The following ANKRD33B variants were observed in gnomAD, a reference collection of about 807,000 sequenced individuals.
ANKRD33B encodes ankyrin repeat domain-containing protein 33B.
ANKRD33B carries 6 observed loss-of-function variants against 21.5 expected under a neutral mutation model. The ratio of observed to expected loss-of-function variants is 0.28; its 90% CI spans 0.15 to 0.55. The LOEUF is 0.55. ANKRD33B is among the 20% of genes least tolerant of loss of function. The pLI is 0.94. For missense variants in ANKRD33B, 698 were observed against 747.2 expected, an observed-to-expected ratio of 0.93 and a Z score of 0.77; for synonymous variants, 347 against 342.4, an observed-to-expected ratio of 1.01 and a Z score of -0.15.
chr5:10,599,482 C>A (rs1248911371), intron 1 of ANKRD33B, among the ~76,000 whole-genome samples: 2 of 152,168 alleles, frequency 1.3e-5, no homozygotes, highest in Non-Finnish European at 2.9e-5. Context: ...AGTCCCTCTT[C>A]CTCCTCCTAC....
At chr5:10,617,327 C>T (rs781243402) in intron 1 of ANKRD33B, among the ~76,000 whole-genome samples, 3 of 152,204 alleles carry the variant, frequency 2.0e-5, no homozygotes, top group Non-Finnish European at 4.4e-5. Context: ...CTGAAGTCTG[C>T]GTGCCATCTG....
rs556827518 is a variant in ANKRD33B at position 10,656,704 on chromosome 5, G to T, written c.*6591G>T. The T allele has an allele frequency of 6.6e-6, 1 of 152,438 alleles. No individual in the cohort carries two copies. The highest frequency in any genetic ancestry group is 2.1e-4 in the South Asian group (1 of 4,824). The allele number at this position is 152,438 out of a possible 1,614,324, so 9.4% of individuals were successfully genotyped here. ...TATAGAACCCATTTGGCCAGGTCTGGGCCATCTCTCTGCCTCTGCCCTATC... is the reference window on the plus strand; with the variant it reads ...TATAGAACCCATTTGGCCAGGTCTGTGCCATCTCTCTGCCTCTGCCCTATC... On this transcript the variant is annotated 3_prime_UTR_variant, in exon 4 of 4. Transcript: ENST00000296657.
chr5:10,626,763 A>T (rs1736559761), intron 2 of ANKRD33B, among the ~76,000 whole-genome samples: 1 of 152,212 alleles, frequency 6.6e-6, no homozygotes, highest in Non-Finnish European at 1.5e-5. Context: ...CCTTTATAAG[A>T]CAGGAAAACA....
In ANKRD33B at chr5:10,653,622, T is replaced by G. The variant is rs1180944582; in HGVS notation, c.*3509T>G. On this transcript the variant is annotated 3_prime_UTR_variant, in exon 4 of 4. Coordinates refer to ENST00000296657, the MANE Select transcript of ANKRD33B (RefSeq NM_001164440.2). ...GGACAGAAACACCCCCTCGTCTTCC[T>G]GAGCCATTTGGAAGCCCTTTCCTCT... 6.6e-6 allele frequency: 1 copy of G among 152,424 alleles called. No homozygotes were observed. The highest frequency in any genetic ancestry group is 1.9e-4 in the East Asian group (1 of 5,338). 9.4% of individuals were successfully genotyped at this position (152,424 alleles called of 1,614,324 possible). A position where few individuals can be genotyped will look rare whatever the true frequency, so the allele number is the denominator to read the frequency against.
rs190084162 is a variant in ANKRD33B at position 10,640,753 on chromosome 5, A to G, written c.637+2585A>G. Among the ~76,000 whole-genome samples the G allele has an allele frequency of 3.9e-4, 59 of 152,370 alleles. No individual in the cohort carries two copies. In the East Asian group the frequency reaches 0.011, roughly 27 times the overall value. On this transcript the variant is annotated intron_variant, in intron 3 of 3. Transcript: ENST00000296657. Reference sequence around the variant, plus strand: ...TCTCTGTCTTAGTTGTTCTGCTGCTATAACAAAATACCTCACCTGTGTAAT... The same window carrying G: ...TCTCTGTCTTAGTTGTTCTGCTGCTGTAACAAAATACCTCACCTGTGTAAT...
At chr5:10,630,758 A>G (rs1736690293) in intron 2 of ANKRD33B, among the ~76,000 whole-genome samples, 2 of 152,132 alleles carry the variant, frequency 1.3e-5, no homozygotes, top group African/African-American at 2.4e-5. Context: ...CTAGAATCCC[A>G]GCACTTTGGG....
At chr5:10,638,877 A>C (rs1560984562) in intron 3 of ANKRD33B, among the ~76,000 whole-genome samples, 1 of 151,076 alleles carries the variant, frequency 6.6e-6, no homozygotes, top group Non-Finnish European at 1.5e-5. Flanking sequence ...TTGCATGGTA[A>C]TGTTAGCGGG....
In ANKRD33B at chr5:10,656,036, A is replaced by G. The variant is rs1310755020; in HGVS notation, c.*5923A>G. 1 of 152,040 alleles carries G rather than the reference A, an allele frequency of 6.6e-6. No homozygotes were observed. The highest frequency in any genetic ancestry group is 1.5e-5 in the Non-Finnish European group (1 of 67,996). 9.4% of individuals were successfully genotyped at this position (152,040 alleles called of 1,614,324 possible). A position where few individuals can be genotyped will look rare whatever the true frequency, so the allele number is the denominator to read the frequency against. On this transcript the variant is annotated 3_prime_UTR_variant, in exon 4 of 4. Transcript: ENST00000296657. ...ATGCTGGGAGCTGCCGAGAGCTTACAACAAAAGCAGTTCCTCTCAAGACAC... is the reference window on the plus strand; with the variant it reads ...ATGCTGGGAGCTGCCGAGAGCTTACGACAAAAGCAGTTCCTCTCAAGACAC...
chr5:10,569,949 T>G (rs1212688797), intron 1 of ANKRD33B, among the ~76,000 whole-genome samples: 1 of 152,228 alleles, frequency 6.6e-6, no homozygotes, highest in Non-Finnish European at 1.5e-5. Flanking sequence ...TGATATCAGC[T>G]CACTGCAACC....
intron 3 of ANKRD33B, 138 bp downstream of exon 3, chr5:10,638,306 C>T: frequency 8.6e-7 from 1 of 1,169,082 alleles, no homozygotes; most frequent in Non-Finnish European, 1.2e-6. Flanking sequence ...TCTTCACTGA[C>T]ATATACTTCT....
In ANKRD33B at chr5:10,639,598, G is replaced by C. The variant is rs1429937305; in HGVS notation, c.637+1430G>C. Among the ~76,000 whole-genome samples, 55 of 55,346 alleles carry C rather than the reference G, an allele frequency of 9.9e-4. No individual in the cohort carries two copies. The East Asian group carries it at 0.021, about 21-fold the overall frequency. 36.3% of individuals were successfully genotyped at this position (55,346 alleles called of 152,430 possible). On this transcript the variant is annotated intron_variant, in intron 3 of 3. Coordinates refer to ENST00000296657, the MANE Select transcript of ANKRD33B (RefSeq NM_001164440.2). ...CGTGGAGTTGCGCGGCGATGTTAGC[G>C]GGTGACGCGGAGTTGCGCGGCGATG... is the stretch of plus-strand genomic sequence containing the variant.
chr5:10,613,586 G>C (rs1387634872), intron 1 of ANKRD33B, among the ~76,000 whole-genome samples: 1 of 152,038 alleles, frequency 6.6e-6, no homozygotes, highest in Admixed American at 6.5e-5. Context: ...CATGAATACA[G>C]CTTTGTTTTA....
At position 10,654,643 on chromosome 5, in the gene ANKRD33B, C is replaced by G. The variant is rs1439734123; in HGVS notation, c.*4530C>G. ...TAGGTGTGAAGTTGCTTCAGTCCCT[C>G]TGAGTTGCCTCTTCTGGATGGAACG... On this transcript the variant is annotated 3_prime_UTR_variant, in exon 4 of 4. Transcript: ENST00000296657. 6.6e-6 allele frequency: 1 copy of G among 152,362 alleles called. No homozygotes were observed. Among genetic ancestry groups the G allele is most frequent in the East Asian group, 1.9e-4 (1 of 5,320 alleles). The allele number at this position is 152,362 out of a possible 1,614,324, so 9.4% of individuals were successfully genotyped here. A position where few individuals can be genotyped will look rare whatever the true frequency, so the allele number is the denominator to read the frequency against.
In ANKRD33B at chr5:10,650,227, C is replaced by T. The variant is rs1210181363; in HGVS notation, c.*114C>T. The T allele has an allele frequency of 3.5e-6, 4 of 1,152,522 alleles. No homozygotes were observed. The highest frequency in any genetic ancestry group is 3.2e-5 in the East Asian group (1 of 31,272). The allele number at this position is 1,152,522 out of a possible 1,614,324, so 71.4% of individuals were successfully genotyped here. A position where few individuals can be genotyped will look rare whatever the true frequency, so the allele number is the denominator to read the frequency against. On this transcript the variant is annotated 3_prime_UTR_variant, in exon 4 of 4. Coordinates refer to ENST00000296657, the MANE Select transcript of ANKRD33B (RefSeq NM_001164440.2). ...ATCGCACCACTTCCGCTCCATGGAC[C>T]ACGGGGCTGCGCGCATTTCCAGGCT...
rs1260588824 is a variant in ANKRD33B at position 10,564,743 on chromosome 5, C to T, written c.276C>T (p.Ala92=). The T allele has an allele frequency of 2.6e-6, 4 of 1,530,810 alleles. No individual in the cohort carries two copies. Among genetic ancestry groups the T allele is most frequent in the Admixed American group, 2.0e-5 (1 of 50,862 alleles). The allele number at this position is 1,530,810 out of a possible 1,614,324, so 94.8% of individuals were successfully genotyped here. ...SVPETATLLR[A]ACANNVGLLR... is the part of the protein sequence containing the mutation. ...CGGAGACGGCGACCCTCCTGCGCGCCGCCTGCGCCAACAACGTGGGGCTGC... is the reference window on the plus strand; with the variant it reads ...CGGAGACGGCGACCCTCCTGCGCGCTGCCTGCGCCAACAACGTGGGGCTGC... Residue 92 remains alanine, a synonymous_variant, in exon 1 of 4, where the codon GCC becomes GCT. Transcript: ENST00000296657.
intron 1 of ANKRD33B, among the ~76,000 whole-genome samples, chr5:10,594,470 G>A (rs1342388085): frequency 2.6e-5 from 4 of 151,914 alleles, no homozygotes; most frequent in East Asian, 1.9e-4. Context: ...TGCCCTCCTC[G>A]GCCTCCCAAA....
chr5:10,630,760 C>T (rs1399219395), intron 2 of ANKRD33B, among the ~76,000 whole-genome samples: 1 of 151,984 alleles, frequency 6.6e-6, no homozygotes, highest in Non-Finnish European at 1.5e-5. Context: ...AGAATCCCAG[C>T]ACTTTGGGAG....
At chr5:10,606,341 G>A (rs1307408685) in intron 1 of ANKRD33B, among the ~76,000 whole-genome samples, 1 of 152,158 alleles carries the variant, frequency 6.6e-6, no homozygotes, top group Non-Finnish European at 1.5e-5. Context: ...TTATCTTGAT[G>A]TATTTTACAT....
intron 2 of ANKRD33B, among the ~76,000 whole-genome samples, chr5:10,625,398 A>T (rs909384134): frequency 2.0e-5 from 3 of 152,166 alleles, no homozygotes; most frequent in Admixed American, 6.5e-5. Context: ...GTCCTTTCCA[A>T]ACACACACGT....
Sources: allele counts gnomAD v4.1 joint callset (sites outside exome capture counted in the v4.1 genomes callset), GRCh38; gene constraint gnomAD v4.1.1; transcripts MANE v1.5; gene names NCBI Gene and HGNC (gene_info 2026-07-23, HGNC 2026-07-21).